Variants in PHF20L1 observed in about 807,000 individuals in gnomAD.
PHF20L1 encodes the protein PHD finger protein 20 like 1, also known as PHD finger protein 20-like protein 1.
Under a neutral mutation model 125.5 loss-of-function variants are expected in PHF20L1, and 44 were observed. The ratio of observed to expected loss-of-function variants is 0.35; its 90% CI spans 0.28 to 0.45. The LOEUF (loss-of-function observed/expected upper bound fraction) is 0.45, where lower values mean the gene tolerates loss of function less well. PHF20L1 is among the 20% of genes least tolerant of loss of function. The pLI is 1.00. For synonymous variants in PHF20L1, 380 were observed against 403.1 expected (o/e 0.94, Z 0.69); for missense variants, 1,012 against 1,217.2 (o/e 0.83, Z 2.51).
intron 12 of PHF20L1, among the ~76,000 whole-genome samples, chr8:132,821,626 GGA>G (rs1297427939): frequency 1.3e-5 from 2 of 151,876 alleles, no homozygotes; most frequent in African/African-American, 4.8e-5. Context: ...GGGTTTCTAT[GGA>G]GAGTCTCAGG....
chr8:132,823,341 G>A, intron 12 of PHF20L1, among the ~76,000 whole-genome samples: 1 of 151,846 alleles, frequency 6.6e-6, no homozygotes, highest in East Asian at 1.9e-4. Context: ...CTTTAATATG[G>A]AGTTTAATAT....
At chr8:132,830,932 A>C (rs1163228715) in intron 14 of PHF20L1, among the ~76,000 whole-genome samples, 2 of 152,028 alleles carry the variant, frequency 1.3e-5, no homozygotes, top group African/African-American at 2.4e-5. Context: ...AAACCTGGAA[A>C]TCAATCTTGA....
intron 2 of PHF20L1, among the ~76,000 whole-genome samples, chr8:132,780,150 G>A (rs1034745326): frequency 6.6e-6 from 1 of 151,982 alleles, no homozygotes; most frequent in Non-Finnish European, 1.5e-5. Context: ...ATTTTCTTAT[G>A]GTAATTTTGC....
At chr8:132,813,494 A>G (rs181720272) in intron 9 of PHF20L1, among the ~76,000 whole-genome samples, 5 of 152,082 alleles carry the variant, frequency 3.3e-5, no homozygotes, top group Admixed American at 6.6e-5. Flanking sequence ...TTATTTATTT[A>G]GTCCCCAGAA....
At chr8:132,828,462 T>TA (rs1836430554) in intron 14 of PHF20L1, among the ~76,000 whole-genome samples, 1 of 152,072 alleles carries the variant, frequency 6.6e-6, no homozygotes, top group Non-Finnish European at 1.5e-5. Flanking sequence ...ATGTTATTAA[T>TA]ACCTGAAATA....
intron 2 of PHF20L1, among the ~76,000 whole-genome samples, chr8:132,778,153 A>G (rs989670931): frequency 3.3e-5 from 5 of 152,216 alleles, no homozygotes; most frequent in Middle Eastern, 3.2e-3. Context: ...TTGAGAAATG[A>G]AAATAATTGT....
intron 6 of PHF20L1, among the ~76,000 whole-genome samples, chr8:132,801,749 A>G (rs1586917707): frequency 6.9e-6 from 1 of 145,758 alleles, no homozygotes; most frequent in African/African-American, 2.6e-5. Flanking sequence ...TAAACGTAAA[A>G]GCAAACACAA....
chr8:132,832,318 G>C lies in PHF20L1; in HGVS notation c.1828G>C (p.Ala610Pro). Reference protein sequence around the residue: ...PLTRSSGSSLASRSMFTEKTT... With the variant: ...PLTRSSGSSLPSRSMFTEKTT... ...AACTCGATCTTCTGGGAGTTCTCTG[G>C]CTTCACGAAGCATGTTTACGGAGAA... The change falls in exon 15 of 21, where the codon GCT (alanine) becomes CCT (proline). Residue 610 changes from alanine to proline, a missense_variant. Around this residue, in one of 7 missense-constraint regions of PHF20L1, gnomAD observed 320 missense variants for 293.8 expected, o/e 1.09. Transcript: ENST00000395386. 1 of 1,610,690 alleles carries C rather than the reference G, an allele frequency of 6.2e-7. No homozygotes were observed. The highest frequency in any genetic ancestry group is 8.5e-7 in the Non-Finnish European group (1 of 1,177,278).
At chr8:132,819,525 C>T (rs985534735) in intron 12 of PHF20L1, among the ~76,000 whole-genome samples, 2 of 150,562 alleles carry the variant, frequency 1.3e-5, no homozygotes, top group Admixed American at 1.3e-4. Context: ...TGTGCCTGTC[C>T]CACGTGCATT....
At position 132,825,973 on chromosome 8, in the gene PHF20L1, T is replaced by A. The variant is rs149118278; in HGVS notation, c.1744+602T>A. 7.4e-3 allele frequency among the ~76,000 whole-genome samples: 1,120 copies of A among 152,156 alleles called. 10 individuals are homozygous for A. Among genetic ancestry groups the A allele is most frequent in the African/African-American group, 0.025 (1,050 of 41,560 alleles). ...ATAAATTTCTGTTGTTTTAAGCCAC[T>A]AAATTTATGGTAATTTCTTATGGCA... On this transcript the variant is annotated intron_variant, in intron 14 of 20. Coordinates refer to ENST00000395386, the MANE Select transcript of PHF20L1 (RefSeq NM_016018.5).
chr8:132,792,968 T>TC (rs1368620499), intron 2 of PHF20L1, among the ~76,000 whole-genome samples: 35 of 143,660 alleles, frequency 2.4e-4, no homozygotes, highest in South Asian at 1.1e-3. Context: ...TTTTTTCTTT[T>TC]TTTTTTTTTT....
chr8:132,843,256 G>A (rs1161579864), intron 19 of PHF20L1: 1 of 984,062 alleles, frequency 1.0e-6, no homozygotes, highest in Non-Finnish European at 1.2e-6. Flanking sequence ...ATAAAAGGTG[G>A]CACTCTAATT....
At chr8:132,837,677 A>T in intron 16 of PHF20L1, 35 bp from the exon 17 acceptor site, 1 of 1,513,720 alleles carries the variant, frequency 6.6e-7, no homozygotes. Context: ...CCTAGTGAGG[A>T]TCGGGTGACT....
At chr8:132,835,487 C>T (rs543582126) in intron 15 of PHF20L1, among the ~76,000 whole-genome samples, 5 of 152,134 alleles carry the variant, frequency 3.3e-5, no homozygotes, top group African/African-American at 7.2e-5. Context: ...AAGATTCCCC[C>T]GTGTCTGTCT....
chr8:132,803,021 C>A (rs547733000), intron 6 of PHF20L1, among the ~76,000 whole-genome samples: 36 of 151,822 alleles, frequency 2.4e-4, no homozygotes, highest in African/African-American at 8.0e-4. Context: ...TTTATACTTC[C>A]TTACACCTTT....
intron 6 of PHF20L1, among the ~76,000 whole-genome samples, chr8:132,802,103 C>T (rs1366323398): frequency 6.7e-6 from 1 of 150,254 alleles, no homozygotes; most frequent in African/African-American, 2.4e-5. Context: ...TGTACTTACT[C>T]TTGTTTCTCT....
At chr8:132,792,706 TA>T (rs979779802) in intron 2 of PHF20L1, among the ~76,000 whole-genome samples, 3 of 152,324 alleles carry the variant, frequency 2.0e-5, no homozygotes, top group African/African-American at 7.2e-5. Flanking sequence ...ACTACAAAAG[TA>T]AACATGACTC....
At chr8:132,812,931 G>C in intron 9 of PHF20L1, 2 of 959,832 alleles carry the variant, frequency 2.1e-6, no homozygotes, top group Non-Finnish European at 2.5e-6. Context: ...CCAATTCTCA[G>C]CTTATTAATT....
At chr8:132,844,060 C>T (rs1054493131) in intron 19 of PHF20L1, 96 bp from the exon 20 acceptor site, 3 of 1,545,094 alleles carry the variant, frequency 1.9e-6, no homozygotes, top group Admixed American at 1.9e-5. Context: ...ATCTCACTAA[C>T]TGTTACCAGT....
Sources: gnomAD v4.1 joint callset for allele counts (sites outside exome capture counted in the v4.1 genomes callset) on GRCh38, gnomAD v4.1.1 for gene constraint, gnomAD v4.1.1 regional missense constraint, MANE v1.5 for transcripts, NCBI Gene and HGNC (gene_info 2026-07-23, HGNC 2026-07-21) for gene names.